Variants in DIP2C observed in about 807,000 individuals in gnomAD.
The protein encoded by DIP2C is disco-interacting protein 2 homolog C.
A neutral mutation model predicts 192.4 loss-of-function variants in DIP2C; 33 were observed. That is an observed-to-expected ratio of 0.17 (90% confidence interval 0.13 to 0.23). The LOEUF is 0.23. Among genes scored for constraint, DIP2C ranks in the 10% least tolerant of loss-of-function variants. The pLI is 1.00. For synonymous variants in DIP2C, 979 were observed against 864.1 expected, an observed-to-expected ratio of 1.13 and a Z score of -2.33; for missense variants, 1,537 against 2,110.1, an observed-to-expected ratio of 0.73 and a Z score of 5.32.
intron 14 of DIP2C, 39 bp from the exon 15 acceptor site, chr10:384,678 G>A (rs1168527200): frequency 3.1e-6 from 5 of 1,602,758 alleles, no homozygotes; most frequent in African/African-American, 2.7e-5. Context: ...GAGCATGGAG[G>A]GGCACGCAGA....
At chr10:362,903 A>C (rs1004559042) in intron 21 of DIP2C, among the ~76,000 whole-genome samples, 3 of 152,218 alleles carry the variant, frequency 2.0e-5, no homozygotes, top group South Asian at 2.1e-4. Flanking sequence ...GACCATACAC[A>C]GTAAAAAAGG....
intron 32 of DIP2C, among the ~76,000 whole-genome samples, chr10:307,143 GCAC>G (rs1396213928): frequency 2.0e-5 from 3 of 152,234 alleles, no homozygotes; most frequent in Admixed American, 6.5e-5. Context: ...GCAGATGCAG[GCAC>G]CACACTTCCT....
intron 1 of DIP2C, among the ~76,000 whole-genome samples, chr10:683,653 T>C (rs938129051): frequency 1.3e-5 from 2 of 152,144 alleles, no homozygotes; most frequent in African/African-American, 4.8e-5. Context: ...TTTGCTTTTT[T>C]AAAGGCGTCT....
chr10:412,771 C>A lies in DIP2C; in HGVS notation c.1057+1142G>T, dbSNP rs1045359692. Among the ~76,000 whole-genome samples, 6 of 152,178 alleles carry A rather than the reference C, an allele frequency of 3.9e-5. 1 individual carries two copies. In the South Asian group the frequency reaches 1.2e-3, roughly 32 times the overall value. On this transcript the variant is annotated intron_variant, in intron 8 of 36. Coordinates refer to ENST00000280886, the MANE Select transcript of DIP2C (RefSeq NM_014974.3). ...AATGTAGAAATCAATTCCTTTCCTA[C>A]CTGCAATCAGAAAAGTGTTGTAACA...
At chr10:332,401 CATAA>C (rs948973119) in intron 29 of DIP2C, among the ~76,000 whole-genome samples, 1 of 152,144 alleles carries the variant, frequency 6.6e-6, no homozygotes. Flanking sequence ...TCCTCATCAC[CATAA>C]ATAAGAAATC....
At chr10:488,469 C>G (rs959991654) in intron 1 of DIP2C, among the ~76,000 whole-genome samples, 8 of 152,194 alleles carry the variant, frequency 5.3e-5, no homozygotes, top group Admixed American at 1.3e-4. Context: ...GACCACAAAT[C>G]TAAGACAAAA....
intron 1 of DIP2C, among the ~76,000 whole-genome samples, chr10:517,549 C>T (rs553738655): frequency 3.3e-5 from 5 of 152,272 alleles, no homozygotes; most frequent in Admixed American, 2.6e-4. Context: ...CTCCTGCTGG[C>T]GGTGAAGGCA....
At chr10:428,135 G>A (rs1966714184) in intron 4 of DIP2C, among the ~76,000 whole-genome samples, 1 of 152,074 alleles carries the variant, frequency 6.6e-6, no homozygotes, top group Non-Finnish European at 1.5e-5. Context: ...AAGGTGTAGA[G>A]AAGCGTGGAC....
At chr10:617,155 G>A (rs1211132257) in intron 1 of DIP2C, among the ~76,000 whole-genome samples, 1 of 150,442 alleles carries the variant, frequency 6.6e-6, no homozygotes, top group Non-Finnish European at 1.5e-5. Context: ...CCTCCCGCCT[G>A]ACTTATTTCC....
intron 1 of DIP2C, among the ~76,000 whole-genome samples, chr10:579,433 C>T (rs1023961612): frequency 1.3e-5 from 2 of 151,658 alleles, no homozygotes; most frequent in Non-Finnish European, 2.9e-5. Context: ...CATAGGTACA[C>T]TATAACACAT....
rs1954405394 is a variant in DIP2C, at chr10:274,266, C to G, written c.*3059G>C. On this transcript the variant is annotated 3_prime_UTR_variant, in exon 37 of 37. Coordinates refer to ENST00000280886, the MANE Select transcript of DIP2C (RefSeq NM_014974.3). The stretch of plus-strand genomic sequence containing the variant: ...AAAACATTTCACAAAACATTTGTTG[C>G]CATAGGAATTATTTTTAGCAATAAA... 1.3e-5 allele frequency: 2 copies of G among 152,090 alleles called. No individual in the cohort carries two copies. Among genetic ancestry groups the G allele is most frequent in the Non-Finnish European group, 2.9e-5 (2 of 68,006 alleles). The allele number at this position is 152,090 out of a possible 1,614,324, so 9.4% of individuals were successfully genotyped here. A position where few individuals can be genotyped will look rare whatever the true frequency, so the allele number is the denominator to read the frequency against.
chr10:595,994 G>A (rs182600827), intron 1 of DIP2C, among the ~76,000 whole-genome samples: 11 of 152,240 alleles, frequency 7.2e-5, no homozygotes, highest in African/African-American at 2.2e-4. Context: ...GAAAACAGAC[G>A]TAAATAAGCA....
At chr10:398,187 T>TTAA (rs1453072330) in intron 10 of DIP2C, among the ~76,000 whole-genome samples, 2 of 152,166 alleles carry the variant, frequency 1.3e-5, no homozygotes, top group East Asian at 3.9e-4. Context: ...CAGGGGAGAA[T>TTAA]TAACTAAGAG....
At chr10:499,343 G>A (rs982615470) in intron 1 of DIP2C, among the ~76,000 whole-genome samples, 8 of 152,166 alleles carry the variant, frequency 5.3e-5, no homozygotes, top group Admixed American at 1.3e-4. Context: ...GTGGACCGCT[G>A]GGCTGCATCA....
At chr10:391,820 C>T (rs1963477557) in intron 10 of DIP2C, among the ~76,000 whole-genome samples, 2 of 152,204 alleles carry the variant, frequency 1.3e-5, no homozygotes, top group African/African-American at 4.8e-5. Context: ...TGGATCTTCC[C>T]ACCTGTTCCC....
chr10:340,173 T>G (rs1958073290), intron 29 of DIP2C, among the ~76,000 whole-genome samples: 2 of 149,686 alleles, frequency 1.3e-5, no homozygotes, highest in Non-Finnish European at 3.0e-5. Context: ...AGAGCAAGAC[T>G]GTCTCAAAAA....
chr10:302,886 A>G (rs957551820), intron 32 of DIP2C, among the ~76,000 whole-genome samples: 1 of 152,228 alleles, frequency 6.6e-6, no homozygotes, highest in African/African-American at 2.4e-5. Flanking sequence ...AAAGGGCTAC[A>G]ACATCACTGC....
At chr10:414,247 T>A in intron 7 of DIP2C, 137 bp from the exon 8 acceptor site, 1 of 1,108,542 alleles carries the variant, frequency 9.0e-7, no homozygotes, top group Non-Finnish European at 1.3e-6. Flanking sequence ...CATGCTTTTC[T>A]AGAATTGGGG....
chr10:439,171 T>C (rs913092207), intron 4 of DIP2C, among the ~76,000 whole-genome samples: 1 of 152,124 alleles, frequency 6.6e-6, no homozygotes, highest in Non-Finnish European at 1.5e-5. Flanking sequence ...TTGCTTAATA[T>C]TAAAATAAAG....
Sources: allele counts gnomAD v4.1 joint callset (sites outside exome capture counted in the v4.1 genomes callset), GRCh38; gene constraint gnomAD v4.1.1; transcripts MANE v1.5; gene names NCBI Gene and HGNC (gene_info 2026-07-23, HGNC 2026-07-21).